The following TAF4B variants were observed in gnomAD, a reference collection of about 807,000 sequenced individuals.
The protein encoded by TAF4B is TATA-box binding protein associated factor 4b, also known as transcription initiation factor TFIID subunit 4B.
In TAF4B, 38 loss-of-function variants were observed where a neutral mutation model predicts 86.4. That is an observed-to-expected ratio of 0.44 (90% CI 0.34 to 0.58). The LOEUF is 0.58. Ranked by LOEUF, TAF4B falls within the 20% of genes least tolerant of loss-of-function variation. The probability of loss-of-function intolerance (pLI) is 0.02; values close to 1 mark genes in which losing one functional copy is unlikely to be tolerated. For missense variants in TAF4B, 988 were observed against 1,027.6 expected (o/e 0.96, Z 0.53); for synonymous variants, 388 against 391.2 (o/e 0.99, Z 0.10).
At chr18:26,324,153 G>T (rs1267459009) in intron 11 of TAF4B, among the ~76,000 whole-genome samples, 1 of 152,134 alleles carries the variant, frequency 6.6e-6, no homozygotes, top group East Asian at 1.9e-4. Context: ...TTTTAATTTT[G>T]TGATGTGGGA....
At chr18:26,321,780 AT>A (rs1204861985) in intron 11 of TAF4B, among the ~76,000 whole-genome samples, 1 of 152,136 alleles carries the variant, frequency 6.6e-6, no homozygotes, top group African/African-American at 2.4e-5. Context: ...TGAAAACAAT[AT>A]ATTACTAACC....
chr18:26,363,595 C>T (rs902327571), intron 14 of TAF4B, among the ~76,000 whole-genome samples: 2 of 151,936 alleles, frequency 1.3e-5, no homozygotes, highest in African/African-American at 2.4e-5. Context: ...CTATTGCATG[C>T]TCCTTCAATG....
At chr18:26,270,924 T>C (rs982959672) in intron 3 of TAF4B, among the ~76,000 whole-genome samples, 3 of 152,272 alleles carry the variant, frequency 2.0e-5, no homozygotes, top group African/African-American at 7.2e-5. Flanking sequence ...TTTGTAGTTA[T>C]TTTAAAATGC....
Position 26,346,887 on chromosome 18 carries a change from A to ATGTGTG in TAF4B, c.2317-10802_2317-10801insGTGTGT, listed in dbSNP as rs1327852072. On this transcript the variant is annotated intron_variant, in intron 13 of 14. Coordinates refer to ENST00000269142, the MANE Select transcript of TAF4B (RefSeq NM_005640.3). Reference sequence around the variant, plus strand: ...TATATATATATATGTGTATATATATATATATATATATATGTGTGTGTATAT... The same window carrying ATGTGTG: ...TATATATATATATGTGTATATATATATGTGTGTATATATATATATGTGTGTGTATAT... 6.2e-4 allele frequency among the ~76,000 whole-genome samples: 8 copies of ATGTGTG among 12,900 alleles called. 1 individual carries two copies. Among genetic ancestry groups the ATGTGTG allele is most frequent in the African/African-American group, 1.1e-3 (8 of 7,142 alleles). 8.5% of individuals were successfully genotyped at this position (12,900 alleles called of 152,430 possible).
intron 5 of TAF4B, among the ~76,000 whole-genome samples, chr18:26,280,428 T>TA (rs1274860459): frequency 6.6e-6 from 1 of 152,112 alleles, no homozygotes; most frequent in Admixed American, 6.5e-5. Flanking sequence ...GACAAAGGTC[T>TA]AATATACAGA....
In TAF4B at chr18:26,391,564, T is replaced by C. The variant is rs1194294636; in HGVS notation, c.*1552T>C. On this transcript the variant is annotated 3_prime_UTR_variant, in exon 15 of 15. Coordinates refer to ENST00000269142, the MANE Select transcript of TAF4B (RefSeq NM_005640.3). ...ATCTTTATCCAAAGTTGTTTTTGTATATTTAAATGCTTACCTTTATTTTTT... is the reference window on the plus strand; with the variant it reads ...ATCTTTATCCAAAGTTGTTTTTGTACATTTAAATGCTTACCTTTATTTTTT... 1 of 152,224 alleles carries C rather than the reference T, an allele frequency of 6.6e-6. No homozygotes were observed. Among genetic ancestry groups the C allele is most frequent in the Non-Finnish European group, 1.5e-5 (1 of 68,044 alleles). The allele number at this position is 152,224 out of a possible 1,614,324, so 9.4% of individuals were successfully genotyped here.
At chr18:26,268,966 G>T (rs2056277842) in intron 3 of TAF4B, among the ~76,000 whole-genome samples, 1 of 152,114 alleles carries the variant, frequency 6.6e-6, no homozygotes, top group African/African-American at 2.4e-5. Flanking sequence ...GGGATTACAG[G>T]TGTGTGCCAC....
At chr18:26,319,214 A>G (rs2056938756) in intron 10 of TAF4B, among the ~76,000 whole-genome samples, 1 of 150,778 alleles carries the variant, frequency 6.6e-6, no homozygotes, top group Non-Finnish European at 1.5e-5. Flanking sequence ...ATAATAGGCC[A>G]GGAGCGGTGG....
intron 7 of TAF4B, among the ~76,000 whole-genome samples, chr18:26,291,432 C>T (rs946446471): frequency 6.6e-6 from 1 of 151,958 alleles, no homozygotes; most frequent in Non-Finnish European, 1.5e-5. Flanking sequence ...GCTGGGATTA[C>T]GGCTGGGATT....
chr18:26,303,281 TCCCTCCGCTTTCATACC>T (rs1459977241), intron 9 of TAF4B, among the ~76,000 whole-genome samples: 228 of 116,778 alleles, frequency 2.0e-3, no homozygotes, highest in Middle Eastern at 5.1e-3. Context: ...GCTTTCATCC[TCCCTCCGCTTTCATACC>T]CCCTCCACTG....
chr18:26,321,615 A>G (rs1297440936), intron 11 of TAF4B, among the ~76,000 whole-genome samples: 1 of 149,568 alleles, frequency 6.7e-6, no homozygotes, highest in Non-Finnish European at 1.5e-5. Flanking sequence ...TATTGTATAT[A>G]TTAATATTTA....
At chr18:26,318,584 A>T (rs1424931531) in intron 10 of TAF4B, among the ~76,000 whole-genome samples, 3 of 152,158 alleles carry the variant, frequency 2.0e-5, no homozygotes, top group African/African-American at 7.2e-5. Flanking sequence ...TTTTTTCCTA[A>T]TAACCTAAAT....
intron 1 of TAF4B, 27 bp downstream of exon 1, chr18:26,227,303 G>A (rs1253678568): frequency 6.3e-7 from 1 of 1,594,926 alleles, no homozygotes; most frequent in East Asian, 2.3e-5. Context: ...TTCCAGCCTT[G>A]TCTGTCGGTC....
rs868544009 is a variant in TAF4B at position 26,337,573 on chromosome 18, C to T, written c.2316+2342C>T. On this transcript the variant is annotated intron_variant, in intron 13 of 14. Transcript: ENST00000269142. ...GAGTAGCTGGGATTACAGGCGCGTA[C>T]CACCGCATCCAGCTAATTTTTGTAT... 4.6e-5 allele frequency among the ~76,000 whole-genome samples: 7 copies of T among 152,066 alleles called. No individual in the cohort carries two copies. The South Asian group carries it at 6.3e-4, about 14-fold the overall frequency.
chr18:26,234,243 C>T (rs1053462523), intron 1 of TAF4B, among the ~76,000 whole-genome samples: 9 of 152,238 alleles, frequency 5.9e-5, no homozygotes, highest in African/African-American at 2.2e-4. Context: ...ATTTTGGCCT[C>T]AGCGTCTGCC....
intron 14 of TAF4B, among the ~76,000 whole-genome samples, chr18:26,366,832 A>C (rs1001222560): frequency 2.0e-5 from 3 of 152,242 alleles, no homozygotes; most frequent in Non-Finnish European, 4.4e-5. Context: ...ATCATTATAT[A>C]TACATGTGCT....
chr18:26,386,915 C>T (rs1978407478), intron 14 of TAF4B, among the ~76,000 whole-genome samples: 1 of 152,192 alleles, frequency 6.6e-6, no homozygotes, highest in East Asian at 1.9e-4. Context: ...GACATTGTGT[C>T]TGTCTAGCCA....
At chr18:26,328,840 G>A (rs374966041) in intron 12 of TAF4B, among the ~76,000 whole-genome samples, 17 of 151,914 alleles carry the variant, frequency 1.1e-4, no homozygotes, top group African/African-American at 3.9e-4. Context: ...GGGTGGTCTC[G>A]AACTCCTGAG....
intron 13 of TAF4B, among the ~76,000 whole-genome samples, chr18:26,345,541 C>T (rs924472138): frequency 1.3e-5 from 2 of 152,240 alleles, no homozygotes; most frequent in Non-Finnish European, 2.9e-5. Context: ...TGCACCACCT[C>T]CACCACAAAC....
Sources: gnomAD v4.1 joint callset for allele counts (sites outside exome capture counted in the v4.1 genomes callset) on GRCh38, gnomAD v4.1.1 for gene constraint, MANE v1.5 for transcripts, NCBI Gene and HGNC (gene_info 2026-07-23, HGNC 2026-07-21) for gene names.